GALNT10: variants seen among roughly 807,000 people sequenced by gnomAD.
The protein encoded by GALNT10 is GalNAc transferase 10.
In GALNT10, 41 loss-of-function variants were observed where a neutral mutation model predicts 75.0. The ratio of observed to expected loss-of-function variants is 0.55; its 90% confidence interval spans 0.43 to 0.71. The LOEUF (loss-of-function observed/expected upper bound fraction) is 0.71, where lower values mean the gene tolerates loss of function less well. Among genes scored for constraint, GALNT10 ranks in the 30% least tolerant of loss-of-function variants. The pLI is 0.00. For synonymous variants in GALNT10, 302 were observed against 313.0 expected, an observed-to-expected ratio of 0.96 and a Z score of 0.37; for missense variants, 727 against 818.5, an observed-to-expected ratio of 0.89 and a Z score of 1.36.
At position 154,403,301 on chromosome 5, in the gene GALNT10, A is replaced by G. The variant is rs190300544; in HGVS notation, c.1057-803A>G. 2.6e-3 allele frequency among the ~76,000 whole-genome samples: 395 copies of G among 152,280 alleles called. 1 individual carries two copies. The highest frequency in any genetic ancestry group is 7.4e-3 in the African/African-American group (306 of 41,536). ...AGGGTCTATGTAGGCTGGGCCCCTC[A>G]GTGGGTATGAGTCAGTATTGGCTGT... is the stretch of plus-strand genomic sequence containing the variant. On this transcript the variant is annotated intron_variant, in intron 7 of 11. Coordinates refer to ENST00000297107, the MANE Select transcript of GALNT10 (RefSeq NM_198321.4).
intron 1 of GALNT10, among the ~76,000 whole-genome samples, chr5:154,240,665 G>T (rs1239338419): frequency 6.6e-6 from 1 of 152,234 alleles, no homozygotes; most frequent in Non-Finnish European, 1.5e-5. Flanking sequence ...GGCTGGGGAA[G>T]TTGGGAAAAA....
In GALNT10 at chr5:154,358,728, G is replaced by A. The variant is rs140545940; in HGVS notation, c.569-17549G>A. On this transcript the variant is annotated intron_variant, in intron 4 of 11. Transcript: ENST00000297107. ...TCAGTACAAACATCCTGCCTGGCAA[G>A]CAGGAGAGGGATTACTGCCCCATTC... is the stretch of plus-strand genomic sequence containing the variant. Among the ~76,000 whole-genome samples the A allele has an allele frequency of 4.2e-3, 635 of 152,032 alleles. 5 individuals are homozygous for A. The highest frequency in any genetic ancestry group is 0.014 in the African/African-American group (599 of 41,456).
chr5:154,282,042 C>T (rs253551), intron 1 of GALNT10, among the ~76,000 whole-genome samples: 99,490 of 152,086 alleles, frequency 0.65, 32,909 homozygotes, highest in East Asian at 0.86. Context: ...AGAAAAGAAG[C>T]GTATTTGGTC....
chr5:154,337,163 T>G (rs773461617), intron 4 of GALNT10, among the ~76,000 whole-genome samples: 2 of 152,196 alleles, frequency 1.3e-5, no homozygotes, highest in African/African-American at 2.4e-5. Flanking sequence ...ATGATCAGAC[T>G]ATTACATTTA....
At chr5:154,201,630 T>C (rs1345387067) in intron 1 of GALNT10, among the ~76,000 whole-genome samples, 4 of 152,130 alleles carry the variant, frequency 2.6e-5, no homozygotes, top group Non-Finnish European at 2.9e-5. Flanking sequence ...CTAGATTTGT[T>C]AGAAATGATG....
At chr5:154,338,162 G>A (rs1378719459) in intron 4 of GALNT10, 3 of 806,534 alleles carry the variant, frequency 3.7e-6, no homozygotes, top group Non-Finnish European at 6.5e-6. Flanking sequence ...TCTTGAGACA[G>A]CTCTCTTTGG....
chr5:154,247,450 A>G (rs1470237768), intron 1 of GALNT10, among the ~76,000 whole-genome samples: 1 of 152,162 alleles, frequency 6.6e-6, no homozygotes, highest in Non-Finnish European at 1.5e-5. Context: ...TGAGCATGGA[A>G]TGTTCTTCTA....
intron 1 of GALNT10, among the ~76,000 whole-genome samples, chr5:154,292,359 C>T (rs1754206613): frequency 2.6e-5 from 4 of 152,210 alleles, no homozygotes; most frequent in African/African-American, 9.7e-5. Flanking sequence ...TGGCACCCAT[C>T]CTGTCCTCTT....
chr5:154,323,824 C>G (rs139316988), intron 3 of GALNT10, among the ~76,000 whole-genome samples: 7 of 152,356 alleles, frequency 4.6e-5, no homozygotes, highest in Non-Finnish European at 1.0e-4. Context: ...GCTACCACCC[C>G]CTACGATGTT....
intron 3 of GALNT10, among the ~76,000 whole-genome samples, chr5:154,321,082 C>G (rs1055126287): frequency 7.9e-5 from 12 of 152,160 alleles, no homozygotes; most frequent in Admixed American, 1.3e-4. Context: ...ACAGCGAACA[C>G]CCATGTTCCC....
intron 4 of GALNT10, among the ~76,000 whole-genome samples, chr5:154,371,507 C>T (rs1755563417): frequency 7.0e-6 from 1 of 142,672 alleles, no homozygotes; most frequent in South Asian, 2.2e-4. Flanking sequence ...AGACAGGAAT[C>T]AAGAGAGCCA....
At chr5:154,415,366 C>A (rs1756483053) in intron 10 of GALNT10, among the ~76,000 whole-genome samples, 1 of 151,782 alleles carries the variant, frequency 6.6e-6, no homozygotes, top group Non-Finnish European at 1.5e-5. Flanking sequence ...GAGACAGAGT[C>A]TCACTCTGTC....
intron 1 of GALNT10, among the ~76,000 whole-genome samples, chr5:154,265,425 C>T (rs1392966895): frequency 1.3e-5 from 2 of 152,214 alleles, no homozygotes; most frequent in African/African-American, 2.4e-5. Flanking sequence ...CCAGGAAATA[C>T]ACTCAGGAGC....
intron 1 of GALNT10, among the ~76,000 whole-genome samples, chr5:154,217,398 G>T (rs879727158): frequency 2.0e-5 from 3 of 152,170 alleles, no homozygotes; most frequent in South Asian, 4.1e-4. Context: ...GCCTTACAGG[G>T]TTTGTTGTGA....
chr5:154,291,970 G>GT (rs970121356), intron 1 of GALNT10, among the ~76,000 whole-genome samples: 1 of 152,150 alleles, frequency 6.6e-6, no homozygotes, highest in Non-Finnish European at 1.5e-5. Context: ...TGTCTTTTAG[G>GT]TTTTCAAGAG....
chr5:154,290,074 G>T (rs1458608021), intron 1 of GALNT10, among the ~76,000 whole-genome samples: 1 of 151,012 alleles, frequency 6.6e-6, no homozygotes, highest in East Asian at 1.9e-4. Context: ...GGCCCTTCAG[G>T]CTCCATGTAC....
intron 1 of GALNT10, among the ~76,000 whole-genome samples, chr5:154,225,204 T>C (rs1753042672): frequency 6.6e-6 from 1 of 151,344 alleles, no homozygotes; most frequent in South Asian, 2.1e-4. Context: ...GCCATTCTCC[T>C]GCCTCAGCCT....
chr5:154,214,616 A>G (rs1752836331), intron 1 of GALNT10, among the ~76,000 whole-genome samples: 1 of 152,198 alleles, frequency 6.6e-6, no homozygotes, highest in African/African-American at 2.4e-5. Flanking sequence ...AAATTATTGC[A>G]CAACTCAGTA....
At chr5:154,360,408 G>A (rs952959095) in intron 4 of GALNT10, among the ~76,000 whole-genome samples, 4 of 150,134 alleles carry the variant, frequency 2.7e-5, no homozygotes, top group East Asian at 2.0e-4. Flanking sequence ...CCACGATTGC[G>A]CCACTGCATT....
Sources: gnomAD v4.1 joint callset for allele counts (sites outside exome capture counted in the v4.1 genomes callset) on GRCh38, gnomAD v4.1.1 for gene constraint, MANE v1.5 for transcripts, NCBI Gene and HGNC (gene_info 2026-07-23, HGNC 2026-07-21) for gene names.